Variants in SHANK2 observed in about 807,000 individuals in gnomAD.
SHANK2 encodes the protein SH3 and multiple ankyrin repeat domains 2, also known as SH3 and multiple ankyrin repeat domains protein 2.
SHANK2 carries 43 observed loss-of-function variants against 133.7 expected under a neutral mutation model. The observed-to-expected ratio is 0.32, with a 90% CI of 0.25 to 0.41. SHANK2 has a LOEUF of 0.41. Ranked by LOEUF, SHANK2 falls within the 10% of genes least tolerant of loss-of-function variation. SHANK2 has a pLI of 1.00. For missense variants in SHANK2, 1,994 were observed against 2,235.8 expected (o/e 0.89, Z 2.18); for synonymous variants, 1,017 against 952.8 (o/e 1.07, Z -1.24).
rs1948716547 is a variant in SHANK2 at position 70,830,968 on chromosome 11, G to A, written c.1175-10286C>T. Among the ~76,000 whole-genome samples the A allele has an allele frequency of 6.6e-6, 1 of 152,166 alleles. No homozygotes were observed. The highest frequency in any genetic ancestry group is 6.5e-5 in the Admixed American group (1 of 15,274). The stretch of plus-strand genomic sequence containing the variant: ...ACTGTTCCTATAGGGGTCCTGCGTG[G>A]AGGGCCTACAACGACCCTGGAGGCT... On this transcript the variant is annotated intron_variant, in intron 11 of 25. Coordinates refer to ENST00000601538, the MANE Select transcript of SHANK2 (RefSeq NM_012309.5). The surrounding 1 kb of genome is among the most constrained non-coding windows in gnomAD (Gnocchi z 4.4).
At position 71,172,882 on chromosome 11, in the gene SHANK2, A is replaced by T. The variant is rs114542617; in HGVS notation, c.-12-25544T>A. On this transcript the variant is annotated intron_variant, in intron 2 of 25. Coordinates refer to ENST00000601538, the MANE Select transcript of SHANK2 (RefSeq NM_012309.5). ...GGTACACACACAGTGACTGAGTCCC[A>T]TGTGAGAACGTGATCAAAAATGCAC... Among the ~76,000 whole-genome samples, 868 of 152,362 alleles carry T rather than the reference A, an allele frequency of 5.7e-3. 10 individuals are homozygous for T. Among genetic ancestry groups the T allele is most frequent in the African/African-American group, 0.019 (795 of 41,598 alleles).
intron 9 of SHANK2, among the ~76,000 whole-genome samples, chr11:71,069,029 CA>C (rs1449784119): frequency 4.0e-5 from 6 of 151,200 alleles, no homozygotes; most frequent in Non-Finnish European, 1.5e-5. Context: ...TCACTGTCGC[CA>C]TGACCACCAT....
At chr11:70,846,106 G>A (rs920245238) in intron 11 of SHANK2, among the ~76,000 whole-genome samples, 1 of 152,142 alleles carries the variant, frequency 6.6e-6, no homozygotes, top group African/African-American at 2.4e-5. Flanking sequence ...TCTAGAGTGC[G>A]CTTCCAGTGG....
chr11:71,118,814 T>C lies in SHANK2; in HGVS notation c.411+15A>G, dbSNP rs1555100869. 5 of 1,535,672 alleles carry C rather than the reference T, an allele frequency of 3.3e-6. No individual in the cohort carries two copies. The highest frequency in any genetic ancestry group is 1.7e-4 in the Middle Eastern group (1 of 5,930). ...TGACACAACCACAGTCCATGCACTG[T>C]GGGCTGAAATATACCTCCAGGGAAG... On this transcript the variant is annotated intron_variant, in intron 4 of 25. Coordinates refer to ENST00000601538, the MANE Select transcript of SHANK2 (RefSeq NM_012309.5).
intron 3 of SHANK2, among the ~76,000 whole-genome samples, chr11:71,127,999 C>T (rs1476911358): frequency 2.0e-5 from 3 of 152,208 alleles, no homozygotes; most frequent in Admixed American, 1.3e-4. Flanking sequence ...TCCTTTCCAC[C>T]GGGGCCGAGG....
intron 17 of SHANK2, among the ~76,000 whole-genome samples, chr11:70,513,695 A>T (rs1366889803): frequency 6.6e-6 from 1 of 152,242 alleles, no homozygotes; most frequent in Non-Finnish European, 1.5e-5. Context: ...ATCCCAAGGA[A>T]ATTTTAAAAA....
chr11:70,499,128 A>G (rs1555157768), intron 21 of SHANK2, among the ~76,000 whole-genome samples: 2 of 152,214 alleles, frequency 1.3e-5, no homozygotes, highest in Non-Finnish European at 2.9e-5. Context: ...CCGTGCATCC[A>G]CTATGTGCCC....
chr11:71,228,433 T>C lies in SHANK2; in HGVS notation c.-112-3637A>G, dbSNP rs181760852. ...TTATTTTATGGAGCAACTACTACCT[T>C]GATACCAAAGCCAGAGAAAATGAGC... On this transcript the variant is annotated intron_variant, in intron 1 of 25. Coordinates refer to ENST00000601538, the MANE Select transcript of SHANK2 (RefSeq NM_012309.5). 3.2e-3 allele frequency among the ~76,000 whole-genome samples: 482 copies of C among 152,298 alleles called. 3 individuals carry two copies. The highest frequency in any genetic ancestry group is 0.011 in the African/African-American group (463 of 41,578).
intron 11 of SHANK2, among the ~76,000 whole-genome samples, chr11:70,870,688 C>T (rs1475729102): frequency 6.6e-6 from 1 of 152,220 alleles, no homozygotes; most frequent in Non-Finnish European, 1.5e-5. Context: ...CATTCCTTGA[C>T]TGACAGAAGC....
At chr11:71,067,845 A>C (rs1229937179) in intron 9 of SHANK2, among the ~76,000 whole-genome samples, 1 of 88,752 alleles carries the variant, frequency 1.1e-5, no homozygotes, top group Non-Finnish European at 2.9e-5. Flanking sequence ...TCGCTCACCA[A>C]CAATATGACC....
intron 11 of SHANK2, among the ~76,000 whole-genome samples, chr11:70,885,426 C>T (rs1424394906): frequency 6.6e-6 from 1 of 152,202 alleles, no homozygotes; most frequent in Non-Finnish European, 1.5e-5. Context: ...CGCAGTGGGA[C>T]ACACTTCCCA....
At chr11:71,159,543 G>A (rs1952968372) in intron 2 of SHANK2, among the ~76,000 whole-genome samples, 1 of 152,140 alleles carries the variant, frequency 6.6e-6, no homozygotes, top group South Asian at 2.1e-4. Context: ...TAATTAGCCA[G>A]CCACAAATAT....
In SHANK2 at chr11:71,155,437, C is replaced by T. The variant is rs547874289; in HGVS notation, c.-12-8099G>A. 5.4e-5 allele frequency among the ~76,000 whole-genome samples: 8 copies of T among 148,536 alleles called. No homozygotes were observed. The South Asian group carries it at 1.1e-3, about 20-fold the overall frequency. On this transcript the variant is annotated intron_variant, in intron 2 of 25. Coordinates refer to ENST00000601538, the MANE Select transcript of SHANK2 (RefSeq NM_012309.5). ...AGAGGGATGGACCTACCCCCGCCCA[C>T]GCTCCCAGAGGAGGGGTGGACCTAC...
chr11:70,544,502 C>T (rs1042024904), intron 17 of SHANK2, among the ~76,000 whole-genome samples: 2 of 152,264 alleles, frequency 1.3e-5, no homozygotes, highest in South Asian at 2.1e-4. Context: ...CACTGTGGGC[C>T]GTGCAGTGTG....
chr11:70,595,479 C>G (rs1401900630), intron 17 of SHANK2, among the ~76,000 whole-genome samples: 1 of 152,152 alleles, frequency 6.6e-6, no homozygotes, highest in Non-Finnish European at 1.5e-5. Flanking sequence ...CCCAGCTTGG[C>G]TCACTCTCTC....
intron 6 of SHANK2, among the ~76,000 whole-genome samples, chr11:71,100,454 A>G (rs1257885622): frequency 1.3e-5 from 2 of 152,256 alleles, no homozygotes; most frequent in African/African-American, 2.4e-5. Context: ...ACAAGCTGTC[A>G]AGCCACAACA....
intron 2 of SHANK2, among the ~76,000 whole-genome samples, chr11:71,163,628 C>T (rs1953075170): frequency 6.6e-6 from 1 of 152,190 alleles, no homozygotes; most frequent in Non-Finnish European, 1.5e-5. Context: ...TGGTCCATCA[C>T]AGCCAGAAAG....
At chr11:70,568,646 G>GGCCCCCCCCCC (rs2059999450) in intron 17 of SHANK2, among the ~76,000 whole-genome samples, 2 of 79,966 alleles carry the variant, frequency 2.5e-5, no homozygotes, top group Admixed American at 1.2e-4. Flanking sequence ...GCGGATTCCT[G>GGCCCCCCCCCC]CCCCCCCCGC....
chr11:71,059,912 G>T (rs938881103), intron 9 of SHANK2, among the ~76,000 whole-genome samples: 17 of 152,292 alleles, frequency 1.1e-4, no homozygotes, highest in Middle Eastern at 3.4e-3. Context: ...TGTACAGAGT[G>T]GGGGGCTCTG....
Sources: gnomAD v4.1 joint callset for allele counts (sites outside exome capture counted in the v4.1 genomes callset) on GRCh38, gnomAD v4.1.1 for gene constraint, Gnocchi (gnomAD v3.1) non-coding constraint, MANE v1.5 for transcripts, NCBI Gene and HGNC (gene_info 2026-07-23, HGNC 2026-07-21) for gene names.